PCDH7: variants seen among roughly 807,000 people sequenced by gnomAD.
PCDH7 encodes protocadherin-7.
Under a neutral mutation model 58.9 loss-of-function variants are expected in PCDH7, and 17 were observed. The observed-to-expected ratio is 0.29, with a 90% CI of 0.20 to 0.43. The LOEUF (loss-of-function observed/expected upper bound fraction) is 0.43. PCDH7 is among the 20% of genes least tolerant of loss of function. The pLI, the probability that PCDH7 is intolerant of heterozygous loss-of-function variation, is 1.00. For missense variants in PCDH7, 1,274 were observed against 1,441.0 expected (o/e 0.88, Z 1.88); for synonymous variants, 664 against 616.4 (o/e 1.08, Z -1.14).
At chr4:31,083,237 AC>A (rs1711850877) in intron 3 of PCDH7, among the ~76,000 whole-genome samples, 1 of 152,162 alleles carries the variant, frequency 6.6e-6, no homozygotes, top group South Asian at 2.1e-4. Context: ...AACCCCTTGT[AC>A]CCCAAAAGCT....
At chr4:30,805,535 TATTA>T (rs1726088929) in intron 1 of PCDH7, among the ~76,000 whole-genome samples, 1 of 152,232 alleles carries the variant, frequency 6.6e-6, no homozygotes, top group African/African-American at 2.4e-5. Context: ...AACTGCTCAT[TATTA>T]ATTGTATTAC....
intron 1 of PCDH7, among the ~76,000 whole-genome samples, chr4:30,832,164 G>A (rs571639495): frequency 6.6e-6 from 1 of 152,110 alleles, no homozygotes; most frequent in Admixed American, 6.6e-5. Context: ...CTCTTGCTAT[G>A]GGGGAATGAA....
At chr4:30,890,875 G>C (rs577137639) in intron 1 of PCDH7, among the ~76,000 whole-genome samples, 2 of 152,096 alleles carry the variant, frequency 1.3e-5, no homozygotes, top group African/African-American at 4.8e-5. Context: ...TACTAAGATA[G>C]GGAATGTGTC....
intron 3 of PCDH7, among the ~76,000 whole-genome samples, chr4:31,099,360 G>T (rs748177813): frequency 3.3e-5 from 5 of 152,164 alleles, no homozygotes; most frequent in Non-Finnish European, 7.3e-5. Flanking sequence ...AAAGGTGTTT[G>T]CTCTGGCTAT....
chr4:30,867,557 G>A (rs549924206), intron 1 of PCDH7, among the ~76,000 whole-genome samples: 1 of 151,966 alleles, frequency 6.6e-6, no homozygotes, highest in Non-Finnish European at 1.5e-5. Context: ...CACCTAAGCT[G>A]TAGGCTCCTT....
At chr4:30,874,757 G>C (rs1736082332) in intron 1 of PCDH7, among the ~76,000 whole-genome samples, 1 of 150,692 alleles carries the variant, frequency 6.6e-6, no homozygotes, top group South Asian at 2.1e-4. Flanking sequence ...ATTTTATTTA[G>C]AGATGTTGTG....
At chr4:30,936,058 A>T (rs1315208799) in intron 2 of PCDH7, among the ~76,000 whole-genome samples, 1 of 152,134 alleles carries the variant, frequency 6.6e-6, no homozygotes, top group African/African-American at 2.4e-5. Flanking sequence ...CGTGAAGTGG[A>T]TAACCTATCC....
At chr4:31,043,210 G>T (rs189332607) in intron 3 of PCDH7, among the ~76,000 whole-genome samples, 1 of 152,160 alleles carries the variant, frequency 6.6e-6, no homozygotes, top group East Asian at 1.9e-4. Context: ...TCAAACCATA[G>T]CATCTGGCAT....
intron 3 of PCDH7, among the ~76,000 whole-genome samples, chr4:31,091,924 A>T (rs1713305475): frequency 6.6e-6 from 1 of 151,958 alleles, no homozygotes; most frequent in Non-Finnish European, 1.5e-5. Flanking sequence ...TAATAGTTGA[A>T]TTGTGAAATC....
At chr4:31,116,112 TA>T (rs796238967) in intron 3 of PCDH7, among the ~76,000 whole-genome samples, 15 of 152,268 alleles carry the variant, frequency 9.9e-5, no homozygotes, top group African/African-American at 2.9e-4. Flanking sequence ...GAAATGATCC[TA>T]AAAAATCTAA....
At chr4:30,746,423 G>A (rs377238598) in intron 1 of PCDH7, among the ~76,000 whole-genome samples, 1 of 152,158 alleles carries the variant, frequency 6.6e-6, no homozygotes, top group African/African-American at 2.4e-5. Context: ...AGAGCAGGGG[G>A]TAGATGTTCT....
intron 3 of PCDH7, among the ~76,000 whole-genome samples, chr4:31,096,159 G>A (rs1713949388): frequency 6.6e-6 from 1 of 152,114 alleles, no homozygotes; most frequent in Admixed American, 6.5e-5. Flanking sequence ...CCAAGTTATT[G>A]CCAATGATTT....
chr4:30,722,104 G>T lies in PCDH7; in HGVS notation c.682G>T (p.Ala228Ser), dbSNP rs764303668. The change falls in exon 1 of 2, where the codon GCA (alanine) becomes TCA (serine). Residue 228 changes from alanine (A) to serine (S), a missense_variant. Ala to Ser is a moderately conservative substitution (Grantham distance 99, BLOSUM62 1). Around this residue, in one of 3 missense-constraint regions of PCDH7, gnomAD observed 331 missense variants for 303.2 expected, o/e 1.09. Coordinates refer to ENST00000361762, the Ensembl canonical transcript of PCDH7. This position sits in a 1 kb window ranked among gnomAD's most constrained non-coding sequence, Gnocchi z 7.6. ...GGGAGGCTCCAAGCGGCGGCTGGAC[G>T]CATCAGAGGGCGGCGGCGGCACCAA... 8 of 1,364,960 alleles carry T rather than the reference G, an allele frequency of 5.9e-6. No individual in the cohort carries two copies. In the Admixed American group the frequency reaches 2.6e-4, roughly 44 times the overall value. 84.6% of individuals were successfully genotyped at this position (1,364,960 alleles called of 1,614,324 possible).
chr4:31,033,762 C>T (rs989169376), intron 3 of PCDH7, among the ~76,000 whole-genome samples: 1 of 152,140 alleles, frequency 6.6e-6, no homozygotes, highest in African/African-American at 2.4e-5. Context: ...CTTTTATACT[C>T]AGTTGCTACT....
intron 3 of PCDH7, among the ~76,000 whole-genome samples, chr4:31,128,677 G>T (rs1407015158): frequency 6.6e-6 from 1 of 152,076 alleles, no homozygotes; most frequent in Non-Finnish European, 1.5e-5. Flanking sequence ...ATTTCCTTGT[G>T]ACCACTAAAT....
intron 1 of PCDH7, among the ~76,000 whole-genome samples, chr4:30,815,896 A>G (rs1727611604): frequency 6.6e-6 from 1 of 152,128 alleles, no homozygotes; most frequent in Non-Finnish European, 1.5e-5. Context: ...TCCTCAGGGG[A>G]GGGCCCTGTC....
chr4:30,945,752 TC>T, intron 2 of PCDH7, among the ~76,000 whole-genome samples: 1 of 152,150 alleles, frequency 6.6e-6, no homozygotes, highest in East Asian at 1.9e-4. Context: ...ATCTGCAGTT[TC>T]CTGATTCCTG....
At chr4:31,011,706 G>A (rs544337753) in intron 3 of PCDH7, among the ~76,000 whole-genome samples, 1 of 151,956 alleles carries the variant, frequency 6.6e-6, no homozygotes, top group Non-Finnish European at 1.5e-5. Flanking sequence ...CAACTTTAAG[G>A]TAATTACCTA....
chr4:30,796,776 G>A (rs1267240464), intron 1 of PCDH7, among the ~76,000 whole-genome samples: 3 of 152,084 alleles, frequency 2.0e-5, no homozygotes, highest in Admixed American at 6.5e-5. Context: ...TTCTTCTAGA[G>A]CTCTATTTTC....
Sources: gnomAD v4.1 joint callset for allele counts (sites outside exome capture counted in the v4.1 genomes callset) on GRCh38, gnomAD v4.1.1 for gene constraint, gnomAD v4.1.1 regional missense constraint, Gnocchi (gnomAD v3.1) non-coding constraint, MANE v1.5 for transcripts, NCBI Gene and HGNC (gene_info 2026-07-23, HGNC 2026-07-21) for gene names.